Variants in RAB2A observed in about 807,000 individuals in gnomAD.
The protein encoded by RAB2A is ras-related protein Rab-2A.
RAB2A carries 7 observed loss-of-function variants against 32.5 expected under a neutral mutation model. The observed-to-expected ratio is 0.22, with a 90% confidence interval of 0.12 to 0.40. The LOEUF is 0.40. RAB2A is among the 10% of genes least tolerant of loss of function. RAB2A has a pLI of 1.00. For synonymous variants in RAB2A, 79 were observed against 85.2 expected (o/e 0.93, Z 0.40); for missense variants, 108 against 260.7 (o/e 0.41, Z 4.03).
intron 1 of RAB2A, among the ~76,000 whole-genome samples, chr8:60,536,565 A>G (rs1373116452): frequency 6.6e-6 from 1 of 152,248 alleles, no homozygotes; most frequent in Non-Finnish European, 1.5e-5. Context: ...GTCAGATTAA[A>G]GTGTGTTAAG....
intron 6 of RAB2A, among the ~76,000 whole-genome samples, chr8:60,593,040 A>T (rs1803967792): frequency 6.6e-6 from 1 of 152,216 alleles, no homozygotes; most frequent in Admixed American, 6.5e-5. Flanking sequence ...ATTTATTAAG[A>T]ATGATACTTG....
chr8:60,556,371 A>G (rs1164719999), intron 1 of RAB2A, among the ~76,000 whole-genome samples: 1 of 152,252 alleles, frequency 6.6e-6, no homozygotes, highest in Non-Finnish European at 1.5e-5. Context: ...AATGTTACCA[A>G]CATAACAAAA....
intron 2 of RAB2A, among the ~76,000 whole-genome samples, chr8:60,562,702 T>C (rs1210423727): frequency 6.6e-6 from 1 of 152,202 alleles, no homozygotes; most frequent in African/African-American, 2.4e-5. Context: ...GTTCTGAGCA[T>C]ACTGATAGGT....
Position 60,620,814 on chromosome 8 carries a change from T to C in RAB2A, c.*45T>C, listed in dbSNP as rs368529941. 1.0e-4 allele frequency: 155 copies of C among 1,509,608 alleles called. No individual in the cohort carries two copies. In the African/African-American group the frequency reaches 2.0e-3, roughly 19 times the overall value. 93.5% of individuals were successfully genotyped at this position (1,509,608 alleles called of 1,614,324 possible). ...CTGCCCAACGGGGCCTACTCACTTA[T>C]TCTTTCACCCCCTCTCCTCCTGCTC... On this transcript the variant is annotated 3_prime_UTR_variant, in exon 8 of 8. Coordinates refer to ENST00000262646, the MANE Select transcript of RAB2A (RefSeq NM_002865.3).
intron 6 of RAB2A, among the ~76,000 whole-genome samples, chr8:60,608,535 C>CCT (rs1563486092): frequency 8.3e-5 from 11 of 132,214 alleles, no homozygotes; most frequent in African/African-American, 3.6e-4. Context: ...CTCTCCTTCT[C>CCT]CTCCTTCTCT....
intron 1 of RAB2A, among the ~76,000 whole-genome samples, chr8:60,521,898 A>G (rs1807307982): frequency 6.6e-6 from 1 of 152,182 alleles, no homozygotes; most frequent in African/African-American, 2.4e-5. Context: ...CTGGGATTAC[A>G]GGTGTGAGCC....
intron 6 of RAB2A, among the ~76,000 whole-genome samples, chr8:60,616,568 G>A (rs1804451674): frequency 6.6e-6 from 1 of 152,272 alleles, no homozygotes; most frequent in Non-Finnish European, 1.5e-5. Flanking sequence ...TTTGAAGAAT[G>A]TGAATCAATT....
chr8:60,598,558 A>G (rs1586106729), intron 6 of RAB2A, among the ~76,000 whole-genome samples: 1 of 38,936 alleles, frequency 2.6e-5, no homozygotes, highest in Admixed American at 2.1e-4. Flanking sequence ...TTTATAAAGT[A>G]TATATACATC....
Position 60,623,087 on chromosome 8 carries a change from TCTCA to T in RAB2A, c.*2323_*2326del, listed in dbSNP as rs1221633167. The T allele has an allele frequency of 1.2e-4, 18 of 152,350 alleles. No homozygotes were observed. The highest frequency in any genetic ancestry group is 4.1e-4 in the African/African-American group (17 of 41,588). The allele number at this position is 152,350 out of a possible 1,614,324, so 9.4% of individuals were successfully genotyped here. On this transcript the variant is annotated 3_prime_UTR_variant, in exon 8 of 8. Transcript: ENST00000262646. ...AAAAAAATAAACACAGCTTTCAATG[TCTCA>T]CTCAACATGTAACATTCAAAATTGT...
At chr8:60,525,953 A>ATATATGTATATATATGTC (rs1807371975) in intron 1 of RAB2A, among the ~76,000 whole-genome samples, 1 of 146,366 alleles carries the variant, frequency 6.8e-6, no homozygotes. Flanking sequence ...CTATATATGT[A>ATATATGTATATATATGTC]TATATGTATA....
intron 1 of RAB2A, among the ~76,000 whole-genome samples, chr8:60,540,041 G>A (rs1451922250): frequency 6.6e-6 from 1 of 151,468 alleles, no homozygotes; most frequent in Non-Finnish European, 1.5e-5. Flanking sequence ...GTAGACAGTG[G>A]AATGCATTGA....
At chr8:60,573,020 G>T (rs1808219241) in intron 3 of RAB2A, among the ~76,000 whole-genome samples, 1 of 152,170 alleles carries the variant, frequency 6.6e-6, no homozygotes, top group African/African-American at 2.4e-5. Context: ...ACCTGCTTCT[G>T]CACTGAGCCT....
chr8:60,558,587 A>G (rs1205257781), intron 1 of RAB2A: 2 of 507,730 alleles, frequency 3.9e-6, no homozygotes, highest in Non-Finnish European at 7.3e-6. Flanking sequence ...GTTAGTTGTC[A>G]TCTGTGAGTT....
chr8:60,538,784 A>G (rs1411304913), intron 1 of RAB2A, among the ~76,000 whole-genome samples: 6 of 152,194 alleles, frequency 3.9e-5, no homozygotes, highest in Admixed American at 3.9e-4. Flanking sequence ...CCTGTGCCCT[A>G]CCAAGGTAGA....
intron 6 of RAB2A, among the ~76,000 whole-genome samples, chr8:60,605,391 CAT>C (rs1456062671): frequency 1.3e-5 from 2 of 152,236 alleles, no homozygotes; most frequent in African/African-American, 4.8e-5. Flanking sequence ...TGGTGCTCCA[CAT>C]AGAGTCCCCA....
chr8:60,544,152 C>T (rs1365508756), intron 1 of RAB2A, among the ~76,000 whole-genome samples: 2 of 144,114 alleles, frequency 1.4e-5, no homozygotes, highest in African/African-American at 5.2e-5. Context: ...AGTGTAGTGG[C>T]GTGATCTCGG....
chr8:60,517,392 G>A, intron 1 of RAB2A, 139 bp downstream of exon 1: 1 of 821,398 alleles, frequency 1.2e-6, no homozygotes, highest in Admixed American at 4.4e-5. Flanking sequence ...TTTCCGCAGT[G>A]CTGGAGCTGG....
intron 2 of RAB2A, among the ~76,000 whole-genome samples, chr8:60,566,941 C>CT (rs1808123871): frequency 6.6e-6 from 1 of 152,096 alleles, no homozygotes; most frequent in Non-Finnish European, 1.5e-5. Flanking sequence ...CGATTTCATT[C>CT]TTTTTTATGG....
Position 60,541,863 on chromosome 8 carries a change from C to T in RAB2A, c.47-16989C>T, listed in dbSNP as rs905033362. 5.9e-5 allele frequency among the ~76,000 whole-genome samples: 9 copies of T among 152,196 alleles called. 1 individual carries two copies. Among genetic ancestry groups the T allele is most frequent in the South Asian group, 2.1e-4 (1 of 4,818 alleles). On this transcript the variant is annotated intron_variant, in intron 1 of 7. Coordinates refer to ENST00000262646, the MANE Select transcript of RAB2A (RefSeq NM_002865.3). ...GAGTCCACGTCACACCCAAGCTGAG[C>T]GAGATAATCACAGAAACTTGTCAGT...
Sources: allele counts gnomAD v4.1 joint callset (sites outside exome capture counted in the v4.1 genomes callset), GRCh38; gene constraint gnomAD v4.1.1; transcripts MANE v1.5; gene names NCBI Gene and HGNC (gene_info 2026-07-23, HGNC 2026-07-21).